The following SYN3 variants were observed in gnomAD, a reference collection of about 807,000 sequenced individuals.
SYN3 encodes the protein synapsin-3.
A neutral mutation model predicts 65.8 loss-of-function variants in SYN3; 35 were observed. The observed-to-expected ratio is 0.53, with a 90% CI of 0.41 to 0.70. SYN3 has a LOEUF of 0.70. Among genes scored for constraint, SYN3 ranks in the 30% least tolerant of loss-of-function variants. The probability of loss-of-function intolerance (pLI) is 0.00; values close to 1 mark genes in which losing one functional copy is unlikely to be tolerated. For synonymous variants in SYN3, 270 were observed against 292.9 expected (o/e 0.92, Z 0.80); for missense variants, 680 against 749.0 (o/e 0.91, Z 1.08).
intron 6 of SYN3, among the ~76,000 whole-genome samples, chr22:32,756,470 T>A (rs770837942): frequency 3.2e-4 from 48 of 152,238 alleles, no homozygotes; most frequent in Non-Finnish European, 7.3e-5. Flanking sequence ...TGCTTGCACC[T>A]ATGCATAGAA....
chr22:32,956,062 A>ATAT (rs58485646), intron 3 of SYN3, among the ~76,000 whole-genome samples: 1 of 144,928 alleles, frequency 6.9e-6, no homozygotes, highest in Admixed American at 6.9e-5. Context: ...ATATATATAT[A>ATAT]AAATCTCCTA....
chr22:32,764,472 C>T (rs528920910), intron 6 of SYN3, among the ~76,000 whole-genome samples: 2 of 152,128 alleles, frequency 1.3e-5, no homozygotes, highest in African/African-American at 2.4e-5. Flanking sequence ...CTCACTGCTG[C>T]GGGTGCTGGA....
chr22:32,915,513 A>C (rs2050164028), intron 4 of SYN3, among the ~76,000 whole-genome samples: 1 of 152,202 alleles, frequency 6.6e-6, no homozygotes, highest in African/African-American at 2.4e-5. Flanking sequence ...GGATGGTCAG[A>C]GAAGGAAGTG....
intron 6 of SYN3, among the ~76,000 whole-genome samples, chr22:32,798,303 G>A (rs559784316): frequency 7.3e-4 from 111 of 152,250 alleles, no homozygotes; most frequent in African/African-American, 2.6e-3. Context: ...TACGAGATCT[G>A]TGAATGGCTG....
intron 6 of SYN3, among the ~76,000 whole-genome samples, chr22:32,809,587 C>A (rs187986900): frequency 6.6e-6 from 1 of 152,026 alleles, no homozygotes. Context: ...AACAGTTATC[C>A]GACACAATTT....
intron 7 of SYN3, among the ~76,000 whole-genome samples, chr22:32,558,453 G>C (rs2058535402): frequency 6.6e-6 from 1 of 152,252 alleles, no homozygotes; most frequent in East Asian, 1.9e-4. Context: ...GGAGGAATGA[G>C]GATATGAATC....
At chr22:32,616,270 C>A (rs2059518811) in intron 6 of SYN3, among the ~76,000 whole-genome samples, 1 of 152,104 alleles carries the variant, frequency 6.6e-6, no homozygotes, top group African/African-American at 2.4e-5. Flanking sequence ...TCCTTTACTG[C>A]AGGCTCAGTG....
At chr22:32,868,868 C>T in intron 5 of SYN3, 98 bp downstream of exon 5, 1 of 1,147,748 alleles carries the variant, frequency 8.7e-7, no homozygotes, top group Non-Finnish European at 1.2e-6. Flanking sequence ...AGAATTTTTA[C>T]TACTGAGGCC....
rs1382231228 is a variant in SYN3, at chr22:32,518,267, G to A, written c.1386C>T (p.Ser462=). 1.9e-6 allele frequency: 3 copies of A among 1,612,832 alleles called. No individual in the cohort carries two copies. Among genetic ancestry groups the A allele is most frequent in the Admixed American group, 3.3e-5 (2 of 59,938 alleles). The change falls in exon 13 of 14, where the codon TCC becomes TCT. Residue 462 remains serine (S), a synonymous_variant. Coordinates refer to ENST00000358763, the MANE Select transcript of SYN3 (RefSeq NM_003490.4). ...RSGSPSQQRL[S]PQGQQPLSPQ... ...GGCTCAGGGGCTGCTGGCCTTGTGG[G>A]GAGAGCCTCTGTTGGGAGGGGCTTC...
Position 33,006,387 on chromosome 22 carries a change from C to A in SYN3, c.276G>T (p.Arg92Ser). 6.2e-7 allele frequency: 1 copy of A among 1,613,902 alleles called. No homozygotes were observed. Among genetic ancestry groups the A allele is most frequent in the Non-Finnish European group, 8.5e-7 (1 of 1,179,898 alleles). The change falls in exon 2 of 14, where the codon AGG (arginine) becomes AGT (serine). Residue 92 changes from arginine to serine, a missense_variant. Coordinates refer to ENST00000358763, the MANE Select transcript of SYN3 (RefSeq NM_003490.4). ...GPSTPIVQRP[R>S]ILLVIDDAHT... ...GGGCATCATCGATCACCAACAGGATCCTGGGTCTTTGAACAATGGGCGTGG... is the reference window on the plus strand; with the variant it reads ...GGGCATCATCGATCACCAACAGGATACTGGGTCTTTGAACAATGGGCGTGG...
At chr22:32,996,033 T>C (rs133925) in intron 2 of SYN3, among the ~76,000 whole-genome samples, 98,524 of 151,910 alleles carry the variant, frequency 0.65, 32,521 homozygotes, top group African/African-American at 0.69. Flanking sequence ...GGAAATAACA[T>C]GCAAGTATCA....
intron 6 of SYN3, among the ~76,000 whole-genome samples, chr22:32,704,862 T>G (rs2060859287): frequency 6.6e-6 from 1 of 152,228 alleles, no homozygotes; most frequent in Admixed American, 6.5e-5. Context: ...TGTCTTCTTT[T>G]GAAAAGTATC....
intron 6 of SYN3, among the ~76,000 whole-genome samples, chr22:32,623,687 A>G (rs561842598): frequency 6.6e-6 from 1 of 152,286 alleles, no homozygotes; most frequent in Middle Eastern, 3.4e-3. Flanking sequence ...ATATTTATTG[A>G]TTTCTTTAAC....
At chr22:32,790,418 AT>A (rs1255596264) in intron 6 of SYN3, among the ~76,000 whole-genome samples, 1 of 149,578 alleles carries the variant, frequency 6.7e-6, no homozygotes, top group Admixed American at 6.7e-5. Context: ...TTATTTATTT[AT>A]TTATTTATTT....
chr22:33,045,088 C>T (rs1239953674), intron 1 of SYN3, among the ~76,000 whole-genome samples: 1 of 152,170 alleles, frequency 6.6e-6, no homozygotes, highest in South Asian at 2.1e-4. Flanking sequence ...GGTGATCTGC[C>T]CGCCTTGGCC....
intron 6 of SYN3, among the ~76,000 whole-genome samples, chr22:32,722,513 G>C (rs2061134002): frequency 6.6e-6 from 1 of 152,240 alleles, no homozygotes; most frequent in African/African-American, 2.4e-5. Context: ...TAGATTTCAA[G>C]GGGGAAATCA....
rs368094349 is a variant in SYN3 at position 32,865,011 on chromosome 22, T to C, written c.622-7A>G. ...TCTTAATGAGCTGAGAGAACTAGGATAGAAGAGGAGAGAACATTGATCAAC... is the reference window on the plus strand; with the variant it reads ...TCTTAATGAGCTGAGAGAACTAGGACAGAAGAGGAGAGAACATTGATCAAC... On this transcript the variant is annotated splice_region_variant and splice_polypyrimidine_tract_variant and intron_variant, in intron 5 of 13. Transcript: ENST00000358763. The C allele has an allele frequency of 8.1e-6, 13 of 1,608,714 alleles. No homozygotes were observed. In the Admixed American group the frequency reaches 1.3e-4, roughly 17 times the overall value.
intron 1 of SYN3, among the ~76,000 whole-genome samples, chr22:33,011,165 G>GA (rs2053342830): frequency 1.3e-5 from 2 of 152,136 alleles, no homozygotes. Context: ...TCTTAGGGGG[G>GA]AAACACTCAG....
In SYN3 at chr22:32,541,595, A is replaced by G. The variant is rs2058255332; in HGVS notation, c.893T>C (p.Ile298Thr). Residue 298 changes from isoleucine to threonine, a missense_variant, in exon 8 of 14, where the codon ATT (isoleucine) becomes ACT (threonine). Transcript: ENST00000358763. ...CATGTAAGCCTTGTAGTTGGATCCA[A>G]TTTTCTGGATGCGGATGTCGTACTT... ...DSKYDIRIQK[I>T]GSNYKAYMRT... 1.2e-6 allele frequency: 2 copies of G among 1,613,560 alleles called. No homozygotes were observed. The highest frequency in any genetic ancestry group is 2.2e-5 in the East Asian group (1 of 44,824).
Sources: gnomAD v4.1 joint callset for allele counts (sites outside exome capture counted in the v4.1 genomes callset) on GRCh38, gnomAD v4.1.1 for gene constraint, MANE v1.5 for transcripts, NCBI Gene and HGNC (gene_info 2026-07-23, HGNC 2026-07-21) for gene names.